MIA3: variants seen among roughly 807,000 people sequenced by gnomAD.
MIA3 encodes the protein MIA SH3 domain ER export factor 3.
MIA3 carries 90 observed loss-of-function variants against 192.4 expected under a neutral mutation model. That is an observed-to-expected ratio of 0.47 (90% confidence interval 0.39 to 0.56). The LOEUF is 0.56. Ranked by LOEUF, MIA3 falls within the 20% of genes least tolerant of loss-of-function variation. The pLI, the probability that MIA3 is intolerant of heterozygous loss-of-function variation, is 0.00. For synonymous variants in MIA3, 740 were observed against 792.8 expected, an observed-to-expected ratio of 0.93 and a Z score of 1.12; for missense variants, 2,123 against 2,269.4, an observed-to-expected ratio of 0.94 and a Z score of 1.31.
chr1:222,657,411 T>C (rs1663788870), intron 18 of MIA3, among the ~76,000 whole-genome samples: 1 of 152,222 alleles, frequency 6.6e-6, no homozygotes, highest in Non-Finnish European at 1.5e-5. Flanking sequence ...CATATCTGCA[T>C]TGTCTTCAAT....
At chr1:222,633,613 G>A (rs1028587416) in intron 6 of MIA3, among the ~76,000 whole-genome samples, 16 of 152,134 alleles carry the variant, frequency 1.1e-4, no homozygotes, top group Admixed American at 5.9e-4. Flanking sequence ...TTGGTTCATC[G>A]TGGAGGGAGA....
At chr1:222,656,375 G>A (rs182136167) in intron 18 of MIA3, among the ~76,000 whole-genome samples, 1 of 152,128 alleles carries the variant, frequency 6.6e-6, no homozygotes, top group Non-Finnish European at 1.5e-5. Context: ...CTGGAATTTC[G>A]ATAGTTGTTT....
chr1:222,644,518 C>G, intron 6 of MIA3: 1 of 1,550,638 alleles, frequency 6.4e-7, no homozygotes, highest in East Asian at 2.4e-5. Context: ...CGCCGCTACC[C>G]CGGGGGACCC....
intron 6 of MIA3, chr1:222,644,208 C>A: frequency 1.9e-6 from 2 of 1,044,268 alleles, no homozygotes; most frequent in Non-Finnish European, 1.3e-6. Context: ...GCTCTTCTCT[C>A]CCGTCCCCTC....
rs1324204555 is a variant in MIA3 at position 222,632,239 on chromosome 1, C to T, written c.3244C>T (p.Pro1082Ser). ...ACTTAATGTGCAGGTTCCTGAAGAA[C>T]CCACCCACTTGGACCAACGTGTGAT... Reference protein sequence around the residue: ...AELNVQVPEEPTHLDQRVIGD... With the variant: ...AELNVQVPEESTHLDQRVIGD... Residue 1082 changes from proline to serine, a missense_variant, in exon 5 of 28, where the codon CCC becomes TCC. Pro to Ser is a moderately conservative substitution (Grantham distance 74). This residue lies in a region of MIA3 where 1,357 missense variants were observed against 1,396.1 expected (regional missense o/e 0.97). Coordinates refer to ENST00000344922, the MANE Select transcript of MIA3 (RefSeq NM_198551.4). 1 of 1,614,032 alleles carries T rather than the reference C, an allele frequency of 6.2e-7. No homozygotes were observed. Among genetic ancestry groups the T allele is most frequent in the African/African-American group, 1.3e-5 (1 of 74,926 alleles).
At chr1:222,619,926 T>C (rs1055696411) in intron 1 of MIA3, among the ~76,000 whole-genome samples, 3 of 152,216 alleles carry the variant, frequency 2.0e-5, no homozygotes, top group African/African-American at 7.2e-5. Context: ...GTGCATTTTG[T>C]TGGCATCTCA....
intron 2 of MIA3, among the ~76,000 whole-genome samples, chr1:222,623,199 A>G (rs1571859004): frequency 6.6e-6 from 1 of 152,088 alleles, no homozygotes; most frequent in East Asian, 1.9e-4. Flanking sequence ...TGAAATCAAC[A>G]GTACCTTGGC....
chr1:222,630,279 A>G lies in MIA3; in HGVS notation c.3059A>G (p.Asp1020Gly), dbSNP rs776193619. 3.7e-6 allele frequency: 6 copies of G among 1,614,116 alleles called. No individual in the cohort carries two copies. The highest frequency in any genetic ancestry group is 1.1e-5 in the South Asian group (1 of 91,086). ...NIFEEAAVLDDIQDLIYFVRY... is the reference protein window; with the variant it reads ...NIFEEAAVLDGIQDLIYFVRY... ...TTTGAAGAGGCTGCAGTGCTTGATG[A>G]CATTCAAGACCTCATCTATTTTGTC... Residue 1020 changes from aspartate to glycine, a missense_variant, in exon 4 of 28, where the codon GAC becomes GGC. Around this residue, in one of 3 missense-constraint regions of MIA3, gnomAD observed 1,357 missense variants for 1,396.1 expected, o/e 0.97. Transcript: ENST00000344922.
rs184707964 is a variant in MIA3 at position 222,620,289 on chromosome 1, T to G, written c.134-870T>G. On this transcript the variant is annotated intron_variant, in intron 1 of 27. Coordinates refer to ENST00000344922, the MANE Select transcript of MIA3 (RefSeq NM_198551.4). ...ATTTCATCTTACATGGGAAACTGTG[T>G]ATGTGGTCAACAAAAATAAAAGTAC... Among the ~76,000 whole-genome samples, 35 of 152,320 alleles carry G rather than the reference T, an allele frequency of 2.3e-4. No individual in the cohort carries two copies. The South Asian group carries it at 4.4e-3, about 19-fold the overall frequency.
chr1:222,658,842 G>A lies in MIA3; in HGVS notation c.4709+19G>A, dbSNP rs1173877990. ...CTTACAAGTAAGTTCACCTCCTAAA[G>A]AGGGTATCAGTGGCTAATGAAACTA... On this transcript the variant is annotated intron_variant, in intron 19 of 27. Transcript: ENST00000344922. 1.3e-6 allele frequency: 2 copies of A among 1,551,504 alleles called. No homozygotes were observed. The highest frequency in any genetic ancestry group is 2.7e-5 in the African/African-American group (2 of 73,096).
chr1:222,657,546 A>G (rs1192317785), intron 18 of MIA3, among the ~76,000 whole-genome samples: 1 of 151,870 alleles, frequency 6.6e-6, no homozygotes, highest in East Asian at 1.9e-4. Flanking sequence ...CATTCTTTCT[A>G]TTTTTGTCCA....
chr1:222,644,756 G>T (rs947794421), intron 6 of MIA3, among the ~76,000 whole-genome samples: 46 of 151,876 alleles, frequency 3.0e-4, no homozygotes, highest in African/African-American at 1.0e-3. Flanking sequence ...GAGTGTGTTT[G>T]AGAAGGTTTC....
chr1:222,644,544 C>T (rs1446526520), intron 6 of MIA3: 2 of 1,550,628 alleles, frequency 1.3e-6, no homozygotes, highest in Admixed American at 2.0e-5. Flanking sequence ...TTGTGGGACC[C>T]TTGTCTGTGC....
At position 222,629,699 on chromosome 1, in the gene MIA3, C is replaced by T. The variant is rs766694970; in HGVS notation, c.2479C>T (p.Arg827Ter). 5.0e-6 allele frequency: 8 copies of T among 1,614,012 alleles called. No homozygotes were observed. The highest frequency in any genetic ancestry group is 5.1e-6 in the Non-Finnish European group (6 of 1,180,014). Residue 827 changes from arginine to a stop codon, truncating the protein, a stop_gained, in exon 4 of 28, where the codon CGA (arginine) becomes TGA (stop). Transcript: ENST00000344922. LOFTEE classifies it high-confidence loss of function. ...ADKKAQRPFERSDFSDSIKIQ... is the reference protein window; with the variant it reads ...ADKKAQRPFE ...TAAGAAAGCACAGAGACCATTTGAA[C>T]GAAGTGACTTTTCTGACAGCATAAA...
chr1:222,629,360 C>T lies in MIA3; in HGVS notation c.2140C>T (p.Pro714Ser). The change falls in exon 4 of 28, where the codon CCA (proline) becomes TCA (serine). Residue 714 changes from proline to serine, a missense_variant. By Grantham distance (74) the Pro-to-Ser change is moderately conservative. This residue lies in a region of MIA3 where 1,357 missense variants were observed against 1,396.1 expected (regional missense o/e 0.97). Transcript: ENST00000344922. ...AGACCAAACTGACAGCACAGGAGGA[C>T]CAGCTTTCCTTTCTAAAGTAGAAGA... ...QTDQTDSTGG[P>S]AFLSKVEEDD... 6.2e-7 allele frequency: 1 copy of T among 1,614,110 alleles called. No homozygotes were observed. Among genetic ancestry groups the T allele is most frequent in the Non-Finnish European group, 8.5e-7 (1 of 1,180,008 alleles).
chr1:222,637,231 G>A (rs370403715), intron 6 of MIA3, among the ~76,000 whole-genome samples: 1 of 152,102 alleles, frequency 6.6e-6, no homozygotes, highest in Non-Finnish European at 1.5e-5. Flanking sequence ...TCCCCCTGGT[G>A]TATTTTAACA....
chr1:222,628,210 A>C lies in MIA3; in HGVS notation c.990A>C (p.Leu330Phe). Residue 330 changes from leucine (L) to phenylalanine (F), a missense_variant, in exon 4 of 28, where the codon TTA becomes TTC. Coordinates refer to ENST00000344922, the MANE Select transcript of MIA3 (RefSeq NM_198551.4). Reference protein sequence around the residue: ...ENQEDFDELPLLTFTDGEDMK... With the variant: ...ENQEDFDELPFLTFTDGEDMK... ...AAGAAGACTTTGATGAGTTGCCATTACTTACCTTTACAGATGGGGAAGATA... is the reference window on the plus strand; with the variant it reads ...AAGAAGACTTTGATGAGTTGCCATTCCTTACCTTTACAGATGGGGAAGATA... 1 of 1,614,154 alleles carries C rather than the reference A, an allele frequency of 6.2e-7. No homozygotes were observed. Among genetic ancestry groups the C allele is most frequent in the South Asian group, 1.1e-5 (1 of 91,090 alleles).
At chr1:222,646,261 C>G (rs1037065138) in intron 7 of MIA3, 1 of 151,728 alleles carries the variant, frequency 6.6e-6, no homozygotes, top group Non-Finnish European at 1.5e-5. Context: ...TCTAAAAATA[C>G]GAAAATTAGC....
Position 222,628,030 on chromosome 1 carries a change from A to G in MIA3, c.810A>G (p.Glu270=), listed in dbSNP as rs1662198641. 2 of 1,614,194 alleles carry G rather than the reference A, an allele frequency of 1.2e-6. No homozygotes were observed. The highest frequency in any genetic ancestry group is 1.7e-6 in the Non-Finnish European group (2 of 1,180,028). The change falls in exon 4 of 28, where the codon GAA becomes GAG. Residue 270 remains glutamate, a synonymous_variant. Transcript: ENST00000344922. ...ATGCCTATAAACTTTTGAAAAAAGA[A>G]ATGACTCTAGACTTGAAAACCAAAT... ...KIDAYKLLKK[E]MTLDLKTKFG...
Sources: allele counts gnomAD v4.1 joint callset (sites outside exome capture counted in the v4.1 genomes callset), GRCh38; gene constraint gnomAD v4.1.1; regional missense constraint gnomAD v4.1.1; transcripts MANE v1.5; gene names NCBI Gene and HGNC (gene_info 2026-07-23, HGNC 2026-07-21).